Variants in CLSTN2 observed in about 807,000 individuals in gnomAD.
CLSTN2 encodes calsyntenin-2.
CLSTN2 carries 48 observed loss-of-function variants against 101.2 expected under a neutral mutation model. The observed-to-expected ratio is 0.47, with a 90% CI of 0.38 to 0.60. The LOEUF (loss-of-function observed/expected upper bound fraction) is 0.60. CLSTN2 is among the 20% of genes least tolerant of loss of function. The pLI is 0.00. For synonymous variants in CLSTN2, 481 were observed against 463.6 expected (o/e 1.04, Z -0.48); for missense variants, 1,160 against 1,238.2 (o/e 0.94, Z 0.95).
chr3:139,941,504 C>T (rs1482329243), intron 1 of CLSTN2, among the ~76,000 whole-genome samples: 2 of 152,184 alleles, frequency 1.3e-5, no homozygotes, highest in African/African-American at 4.8e-5. Flanking sequence ...CTAGGGCAAA[C>T]ACTGCACATC....
intron 2 of CLSTN2, among the ~76,000 whole-genome samples, chr3:140,321,588 T>C (rs1451674384): frequency 6.6e-6 from 1 of 152,096 alleles, no homozygotes; most frequent in Non-Finnish European, 1.5e-5. Flanking sequence ...AGTCCTTAAA[T>C]TTTTGCTGCA....
chr3:140,083,534 A>G (rs2008632013), intron 1 of CLSTN2, among the ~76,000 whole-genome samples: 3 of 152,338 alleles, frequency 2.0e-5, no homozygotes, highest in African/African-American at 4.8e-5. Flanking sequence ...CCATCCAGAG[A>G]TTTACCATAT....
At chr3:140,243,598 C>G (rs2086489796) in intron 2 of CLSTN2, among the ~76,000 whole-genome samples, 1 of 152,066 alleles carries the variant, frequency 6.6e-6, no homozygotes, top group Admixed American at 6.5e-5. Flanking sequence ...CACACTTGGG[C>G]TTGATGGCTG....
chr3:139,951,217 G>C (rs1935288622), intron 1 of CLSTN2, among the ~76,000 whole-genome samples: 1 of 152,160 alleles, frequency 6.6e-6, no homozygotes, highest in African/African-American at 2.4e-5. Context: ...CCATTTCCTG[G>C]TTCTAAGAGG....
intron 1 of CLSTN2, among the ~76,000 whole-genome samples, chr3:139,987,732 T>A (rs1359001434): frequency 6.6e-6 from 1 of 152,194 alleles, no homozygotes; most frequent in Non-Finnish European, 1.5e-5. Context: ...TCCTTGATCT[T>A]CCTAGAGAGA....
intron 9 of CLSTN2, among the ~76,000 whole-genome samples, chr3:140,544,194 G>A (rs1449756892): frequency 6.6e-6 from 1 of 152,244 alleles, no homozygotes. Flanking sequence ...GTTGTTGACA[G>A]GAATAAATGA....
In CLSTN2 at chr3:140,504,217, T is replaced by C. The variant is rs61578600; in HGVS notation, c.1345-28107T>C. On this transcript the variant is annotated intron_variant, in intron 8 of 16. Transcript: ENST00000458420. Reference sequence around the variant, plus strand: ...CATGCATATTTAGTTAACAGATGAATGAATGAATGAGGTTTATGGACCTTT... The same window carrying C: ...CATGCATATTTAGTTAACAGATGAACGAATGAATGAGGTTTATGGACCTTT... 3.9e-3 allele frequency among the ~76,000 whole-genome samples: 596 copies of C among 152,322 alleles called. 12 individuals are homozygous for C. The East Asian group carries it at 0.075, about 19-fold the overall frequency.
At chr3:140,044,237 T>C (rs1292061356) in intron 1 of CLSTN2, among the ~76,000 whole-genome samples, 1 of 152,238 alleles carries the variant, frequency 6.6e-6, no homozygotes, top group African/African-American at 2.4e-5. Flanking sequence ...CTTGAAGTGG[T>C]CCTTCACGTC....
chr3:140,020,760 A>G (rs2007297650), intron 1 of CLSTN2, among the ~76,000 whole-genome samples: 1 of 152,202 alleles, frequency 6.6e-6, no homozygotes, highest in Non-Finnish European at 1.5e-5. Flanking sequence ...CACATTATCT[A>G]AATTGTTATG....
chr3:140,030,133 C>T (rs1251572933), intron 1 of CLSTN2, among the ~76,000 whole-genome samples: 1 of 152,136 alleles, frequency 6.6e-6, no homozygotes, highest in African/African-American at 2.4e-5. Context: ...GGGACAGCAA[C>T]AGGACCACAG....
intron 2 of CLSTN2, among the ~76,000 whole-genome samples, chr3:140,397,490 T>A (rs2088195646): frequency 6.6e-6 from 1 of 152,030 alleles, no homozygotes; most frequent in African/African-American, 2.4e-5. Context: ...TACCTTAGAG[T>A]GGTGTCTTAT....
At chr3:140,090,615 G>A (rs2008762095) in intron 1 of CLSTN2, among the ~76,000 whole-genome samples, 1 of 152,182 alleles carries the variant, frequency 6.6e-6, no homozygotes, top group African/African-American at 2.4e-5. Context: ...GGGAGCGTAA[G>A]TCCTGTTGGA....
intron 10 of CLSTN2, 139 bp downstream of exon 10, chr3:140,546,820 G>C (rs1935596880): frequency 8.1e-6 from 6 of 740,832 alleles, no homozygotes; most frequent in Non-Finnish European, 1.3e-5. Context: ...GCAGCCACGA[G>C]ATGGGGGTTC....
chr3:140,485,619 C>T (rs774176552), intron 8 of CLSTN2, among the ~76,000 whole-genome samples: 4 of 152,258 alleles, frequency 2.6e-5, no homozygotes, highest in Non-Finnish European at 4.4e-5. Context: ...TCGAGCTTCC[C>T]GGCTGCTTTG....
chr3:140,540,249 T>C (rs1335694594), intron 9 of CLSTN2, among the ~76,000 whole-genome samples: 1 of 152,102 alleles, frequency 6.6e-6, no homozygotes, highest in Admixed American at 6.5e-5. Flanking sequence ...TACTGCTATA[T>C]AAATATGTGC....
At chr3:140,442,641 A>T (rs755610576) in intron 5 of CLSTN2, among the ~76,000 whole-genome samples, 1 of 152,124 alleles carries the variant, frequency 6.6e-6, no homozygotes, top group African/African-American at 2.4e-5. Flanking sequence ...GCATGGATTG[A>T]TCGAGGGGTG....
At chr3:140,193,087 T>C (rs1388739333) in intron 2 of CLSTN2, among the ~76,000 whole-genome samples, 1 of 151,868 alleles carries the variant, frequency 6.6e-6, no homozygotes, top group African/African-American at 2.4e-5. Context: ...GTAATTGTCT[T>C]AAATGTCTCT....
At chr3:140,057,990 G>A (rs912259682) in intron 1 of CLSTN2, among the ~76,000 whole-genome samples, 5 of 152,158 alleles carry the variant, frequency 3.3e-5, no homozygotes, top group African/African-American at 1.2e-4. Flanking sequence ...AGAAGTTCAC[G>A]CTCTGCAAGG....
At chr3:140,482,396 G>C (rs1224692480) in intron 8 of CLSTN2, among the ~76,000 whole-genome samples, 1 of 152,082 alleles carries the variant, frequency 6.6e-6, no homozygotes, top group Non-Finnish European at 1.5e-5. Context: ...CAGGGATACT[G>C]GTCTAAAATT....
Sources: gnomAD v4.1 joint callset for allele counts (sites outside exome capture counted in the v4.1 genomes callset) on GRCh38, gnomAD v4.1.1 for gene constraint, MANE v1.5 for transcripts, NCBI Gene and HGNC (gene_info 2026-07-23, HGNC 2026-07-21) for gene names.